The following CTXND1 variants were observed in gnomAD, a reference collection of about 807,000 sequenced individuals.
CTXND1 encodes cortexin domain-containing 1 protein.
chr15:80,237,673 C>A (rs28880953), intron 1 of CTXND1, among the ~76,000 whole-genome samples: 64,343 of 152,076 alleles, frequency 0.42, 14,557 homozygotes, highest in East Asian at 0.85. Context: ...ATTTTGTACA[C>A]TATGTTTGTG....
rs184283265 is a variant in CTXND1 at position 80,247,578 on chromosome 15, C to T, written c.-218+4429G>A. 1.6e-3 allele frequency among the ~76,000 whole-genome samples: 248 copies of T among 152,196 alleles called. 2 individuals are homozygous for T. Among genetic ancestry groups the T allele is most frequent in the African/African-American group, 5.6e-3 (234 of 41,534 alleles). On this transcript the variant is annotated intron_variant, in intron 1 of 2. Transcript: ENST00000560778. Reference sequence around the variant, plus strand: ...CCCTTGGAACACTCAAATCCACCCTCCTCACACTAACATAGAAACCCATTA... The same window carrying T: ...CCCTTGGAACACTCAAATCCACCCTTCTCACACTAACATAGAAACCCATTA...
chr15:80,231,481 T>G (rs900471506), intron 1 of CTXND1, among the ~76,000 whole-genome samples: 3 of 152,174 alleles, frequency 2.0e-5, no homozygotes, highest in African/African-American at 7.2e-5. Flanking sequence ...GACACAAACA[T>G]GGCTCTAAAC....
At chr15:80,223,755 G>A (rs561008681) in intron 1 of CTXND1, among the ~76,000 whole-genome samples, 9 of 151,304 alleles carry the variant, frequency 5.9e-5, no homozygotes, top group African/African-American at 2.2e-4. Flanking sequence ...GGTAGATTGT[G>A]GTTTTTATTT....
In CTXND1 at chr15:80,222,453, T is replaced by C. The variant is rs748945029; in HGVS notation, c.-217-18713A>G. Among the ~76,000 whole-genome samples, 17 of 152,180 alleles carry C rather than the reference T, an allele frequency of 1.1e-4. 1 individual carries two copies. The highest frequency in any genetic ancestry group is 2.5e-4 in the Non-Finnish European group (17 of 67,990). ...TAAATAGTCATAACTATAATACTTCTATCATAACCAACAAATGTAACCCTA... is the reference window on the plus strand; with the variant it reads ...TAAATAGTCATAACTATAATACTTCCATCATAACCAACAAATGTAACCCTA... On this transcript the variant is annotated intron_variant, in intron 1 of 2. Transcript: ENST00000560778.
intron 1 of CTXND1, among the ~76,000 whole-genome samples, chr15:80,230,048 C>T (rs1182598861): frequency 6.6e-6 from 1 of 152,154 alleles, no homozygotes; most frequent in Admixed American, 6.5e-5. Flanking sequence ...GACTTGGAAC[C>T]AATGTTCTCT....
At chr15:80,238,480 A>T (rs1028643289) in intron 1 of CTXND1, among the ~76,000 whole-genome samples, 3 of 147,202 alleles carry the variant, frequency 2.0e-5, no homozygotes, top group African/African-American at 5.0e-5. Context: ...TTGCCCAACC[A>T]TGTTTGTTTT....
At chr15:80,237,452 G>T (rs958724802) in intron 1 of CTXND1, among the ~76,000 whole-genome samples, 15 of 152,042 alleles carry the variant, frequency 9.9e-5, no homozygotes, top group Non-Finnish European at 1.5e-4. Flanking sequence ...GGAGATGGCA[G>T]CTCCATGTGT....
At chr15:80,234,033 C>T (rs148810188) in intron 1 of CTXND1, among the ~76,000 whole-genome samples, 91 of 152,300 alleles carry the variant, frequency 6.0e-4, no homozygotes, top group African/African-American at 2.1e-3. Context: ...AGCAAGCCTG[C>T]GGTGGAGAAG....
chr15:80,244,820 C>G (rs766983326), intron 1 of CTXND1, among the ~76,000 whole-genome samples: 5 of 152,124 alleles, frequency 3.3e-5, no homozygotes, highest in African/African-American at 9.7e-5. Context: ...ACCGTCGGCA[C>G]CTTAAACCAT....
chr15:80,224,431 T>A (rs781389137), intron 1 of CTXND1, among the ~76,000 whole-genome samples: 5 of 152,254 alleles, frequency 3.3e-5, no homozygotes, highest in Admixed American at 6.5e-5. Context: ...TCCATTGTCC[T>A]TCTTTTCAAC....
intron 1 of CTXND1, among the ~76,000 whole-genome samples, chr15:80,244,663 A>G (rs1029395850): frequency 9.2e-5 from 14 of 152,158 alleles, no homozygotes; most frequent in African/African-American, 2.9e-4. Flanking sequence ...TCAGCCCCAG[A>G]CACTGCCCTC....
chr15:80,208,005 G>T (rs1193252703), intron 1 of CTXND1, among the ~76,000 whole-genome samples: 2 of 152,240 alleles, frequency 1.3e-5, no homozygotes, highest in South Asian at 4.1e-4. Flanking sequence ...AATGCAAGTT[G>T]TGAAACTTAA....
chr15:80,223,888 C>G (rs1249115633), intron 1 of CTXND1, among the ~76,000 whole-genome samples: 7 of 152,008 alleles, frequency 4.6e-5, no homozygotes, highest in Admixed American at 4.6e-4. Context: ...AATATGTCCA[C>G]AAATACTTTG....
Position 80,225,492 on chromosome 15 carries a change from G to A in CTXND1, c.-217-21752C>T, listed in dbSNP as rs774430486. ...TTTATTATACAAATATACAGATAGCGAATCTTATGGATTTATCTTCCATAT... is the reference window on the plus strand; with the variant it reads ...TTTATTATACAAATATACAGATAGCAAATCTTATGGATTTATCTTCCATAT... On this transcript the variant is annotated intron_variant, in intron 1 of 2. Coordinates refer to ENST00000560778, the MANE Select transcript of CTXND1 (RefSeq NM_001352888.2). Among the ~76,000 whole-genome samples the A allele has an allele frequency of 7.9e-5, 12 of 151,944 alleles. No individual in the cohort carries two copies. The East Asian group carries it at 1.2e-3, about 15-fold the overall frequency.
chr15:80,239,701 C>T (rs1434796868), intron 1 of CTXND1, among the ~76,000 whole-genome samples: 1 of 152,126 alleles, frequency 6.6e-6, no homozygotes, highest in African/African-American at 2.4e-5. Flanking sequence ...TTAGTTCTAT[C>T]CTTCTAAGAG....
intron 1 of CTXND1, among the ~76,000 whole-genome samples, chr15:80,207,387 A>G (rs1595903747): frequency 6.6e-6 from 1 of 152,078 alleles, no homozygotes; most frequent in Non-Finnish European, 1.5e-5. Flanking sequence ...CAGCTATTAA[A>G]TCTACCTATT....
intron 1 of CTXND1, among the ~76,000 whole-genome samples, chr15:80,240,088 C>T (rs2141463402): frequency 6.6e-6 from 1 of 152,322 alleles, no homozygotes; most frequent in African/African-American, 2.4e-5. Flanking sequence ...GCCTCAGCCT[C>T]CCGAGTAGCT....
intron 1 of CTXND1, among the ~76,000 whole-genome samples, chr15:80,208,285 TAG>T (rs1434811202): frequency 2.0e-5 from 3 of 152,168 alleles, no homozygotes; most frequent in African/African-American, 7.2e-5. Context: ...ATACACACAA[TAG>T]AGGGCTAGAA....
intron 1 of CTXND1, among the ~76,000 whole-genome samples, chr15:80,207,163 G>A (rs62006339): frequency 6.6e-6 from 1 of 152,084 alleles, no homozygotes; most frequent in South Asian, 2.1e-4. Context: ...GTCAGCTTCT[G>A]AAAATTCTGG....
Sources: gnomAD v4.1 joint callset for allele counts (sites outside exome capture counted in the v4.1 genomes callset) on GRCh38, gnomAD v4.1.1 for gene constraint, MANE v1.5 for transcripts, NCBI Gene and HGNC (gene_info 2026-07-23, HGNC 2026-07-21) for gene names.